Variants in PUDP observed in about 807,000 individuals in gnomAD.
PUDP encodes the protein pseudouridine 5'-phosphatase.
PUDP carries 8 observed loss-of-function variants against 9.4 expected under a neutral mutation model. The ratio of observed to expected loss-of-function variants is 0.85; its 90% confidence interval spans 0.50 to 1.53. PUDP has a LOEUF of 1.53. Ranked by LOEUF, PUDP falls within the 40% of genes most tolerant of loss-of-function variation. The pLI is 0.00. For synonymous variants in PUDP, 99 were observed against 80.7 expected, an observed-to-expected ratio of 1.23 and a Z score of -1.22; for missense variants, 188 against 189.7, an observed-to-expected ratio of 0.99 and a Z score of 0.05.
chrX:6,925,360 C>A (rs191117396), intron 3 of PUDP, among the ~76,000 whole-genome samples: 4 of 111,877 alleles, frequency 3.6e-5, no homozygotes, highest in Non-Finnish European at 7.5e-5. Context: ...AGCAACAGGT[C>A]TCTCCCTGTG....
intron 3 of PUDP, among the ~76,000 whole-genome samples, chrX:6,830,740 T>C (rs1218426427): frequency 8.9e-6 from 1 of 112,126 alleles, no homozygotes; most frequent in African/African-American, 3.2e-5. Flanking sequence ...TTAAGTGTAG[T>C]TATCAAAATA....
chrX:7,073,551 C>A (rs1292249610), intron 3 of PUDP, among the ~76,000 whole-genome samples: 1 of 112,779 alleles, frequency 8.9e-6, no homozygotes, highest in Non-Finnish European at 1.9e-5. Flanking sequence ...ACACTGCGGG[C>A]AAGAAGCAGC....
intron 1 of PUDP, among the ~76,000 whole-genome samples, chrX:7,022,436 T>C (rs1380795637): frequency 8.9e-6 from 1 of 112,016 alleles, no homozygotes; most frequent in Non-Finnish European, 1.9e-5. Flanking sequence ...AGCTACATGA[T>C]GGGCTAAATG....
At chrX:7,040,507 T>G (rs1929907311) in intron 1 of PUDP, among the ~76,000 whole-genome samples, 1 of 62,521 alleles carries the variant, frequency 1.6e-5, no homozygotes, top group African/African-American at 6.9e-5. Flanking sequence ...CACTCTTCCC[T>G]GGAGAGTACA....
intron 3 of PUDP, among the ~76,000 whole-genome samples, chrX:6,774,280 A>G (rs1335959777): frequency 8.9e-6 from 1 of 112,382 alleles, no homozygotes; most frequent in Non-Finnish European, 1.9e-5. Flanking sequence ...TTCTACCTCC[A>G]GCTTGCCCTT....
In PUDP at chrX:7,040,990, C is replaced by T. The variant is rs187761703; in HGVS notation, c.204+36230G>A. ...CTTCAAAAGTACTTTGCTTCTCATC[C>T]TCCCCTTCTTTCCTTGCCCTCTTCC... On this transcript the variant is annotated intron_variant and NMD_transcript_variant, in intron 1 of 3. Transcript: ENST00000655425. Among the ~76,000 whole-genome samples the T allele has an allele frequency of 2.0e-4, 22 of 112,116 alleles. 1 individual carries two copies. The Admixed American group carries it at 2.1e-3, about 11-fold the overall frequency.
chrX:6,961,942 G>GA (rs1227984377), intron 3 of PUDP, among the ~76,000 whole-genome samples: 1 of 112,468 alleles, frequency 8.9e-6, no homozygotes, highest in Non-Finnish European at 1.9e-5. Flanking sequence ...TGCTTCTGAA[G>GA]AGTGGAAACC....
chrX:6,728,933 A>G (rs1160048884), intron 3 of PUDP, among the ~76,000 whole-genome samples: 1 of 110,934 alleles, frequency 9.0e-6, no homozygotes, highest in South Asian at 3.8e-4. Context: ...TTTTATGACC[A>G]TGATGGTTCT....
chrX:7,043,937 CAT>C (rs1461664526), downstream of PUDP, among the ~76,000 whole-genome samples: 2 of 112,265 alleles, frequency 1.8e-5, no homozygotes, highest in African/African-American at 6.5e-5. Flanking sequence ...TGAGACTAGA[CAT>C]GTGATGACTT....
At chrX:6,861,535 G>A (rs1006793854) in intron 3 of PUDP, among the ~76,000 whole-genome samples, 1 of 111,857 alleles carries the variant, frequency 8.9e-6, no homozygotes, top group African/African-American at 3.2e-5. Context: ...GATATTCAAA[G>A]TGCGCACATA....
intron 3 of PUDP, among the ~76,000 whole-genome samples, chrX:6,737,106 G>A (rs1924881531): frequency 9.0e-6 from 1 of 110,620 alleles, no homozygotes; most frequent in Non-Finnish European, 1.9e-5. Context: ...CTTCAAGATG[G>A]GATTCAGGCT....
chrX:7,094,518 G>A (rs1350232129), intron 2 of PUDP, among the ~76,000 whole-genome samples: 3 of 110,114 alleles, frequency 2.7e-5, no homozygotes, highest in Non-Finnish European at 5.7e-5. Context: ...CACCACACCC[G>A]GCTAATTTTT....
chrX:6,711,899 A>G lies in PUDP; in HGVS notation n.129-5433T>C, dbSNP rs368780246. On this transcript the variant is annotated intron_variant and non_coding_transcript_variant, in intron 1 of 2. Coordinates refer to the PUDP transcript ENST00000438499. ...GGCCTGGGTGCCTCAGGCACAGCCA[A>G]TATTCTGCTTTTACATTTGATCACC... Among the ~76,000 whole-genome samples, 70 of 112,036 alleles carry G rather than the reference A, an allele frequency of 6.2e-4. 1 individual carries two copies. The highest frequency in any genetic ancestry group is 2.1e-3 in the African/African-American group (64 of 30,918).
In PUDP at chrX:6,841,364, G is replaced by A. The variant is rs143758861; in HGVS notation, c.*248-134898C>T. On this transcript the variant is annotated intron_variant and NMD_transcript_variant, in intron 3 of 3. Coordinates refer to the PUDP transcript ENST00000655425. ...CCCAGCACTTTGAGAGGGTGAGGCG[G>A]GTGGATGAGTTGAGCCCAGGAGTTC... Among the ~76,000 whole-genome samples, 275 of 110,329 alleles carry A rather than the reference G, an allele frequency of 2.5e-3. 7 individuals carry two copies. In the East Asian group the frequency reaches 0.061, roughly 24 times the overall value.
chrX:6,752,764 G>C (rs1013224690), intron 3 of PUDP, among the ~76,000 whole-genome samples: 1 of 111,142 alleles, frequency 9.0e-6, no homozygotes, highest in Non-Finnish European at 1.9e-5. Context: ...AACTGAAGGA[G>C]AAACTAGGAA....
At chrX:7,020,318 C>A (rs1278663220) in intron 1 of PUDP, among the ~76,000 whole-genome samples, 1 of 78,518 alleles carries the variant, frequency 1.3e-5, no homozygotes. Flanking sequence ...TGCTGGGTCT[C>A]CACTCAACTA....
chrX:6,706,902 C>T (rs1029292870), intron 1 of PUDP, among the ~76,000 whole-genome samples: 16 of 111,283 alleles, frequency 1.4e-4, no homozygotes, highest in African/African-American at 4.9e-4. Context: ...AGTCCAAAAA[C>T]CCTTGTCCTT....
chrX:6,969,760 T>C (rs1337994359), intron 3 of PUDP, among the ~76,000 whole-genome samples: 1 of 111,698 alleles, frequency 9.0e-6, no homozygotes, highest in Non-Finnish European at 1.9e-5. Flanking sequence ...TGCACACCTG[T>C]AGTCCCAGCT....
chrX:6,901,738 C>A, intron 3 of PUDP, among the ~76,000 whole-genome samples: 1 of 112,812 alleles, frequency 8.9e-6, no homozygotes, highest in Non-Finnish European at 1.9e-5. Context: ...ACGGTATTGC[C>A]ACAAAGACCC....
Sources: allele counts gnomAD v4.1 joint callset (sites outside exome capture counted in the v4.1 genomes callset), GRCh38; gene constraint gnomAD v4.1.1; transcripts MANE v1.5; gene names NCBI Gene and HGNC (gene_info 2026-07-23, HGNC 2026-07-21).